Variants in DAAM1 observed in about 807,000 individuals in gnomAD.
DAAM1 encodes the protein dishevelled associated activator of morphogenesis 1.
Under a neutral mutation model 130.0 loss-of-function variants are expected in DAAM1, and 52 were observed. That is an observed-to-expected ratio of 0.40 (90% CI 0.32 to 0.50). The LOEUF (loss-of-function observed/expected upper bound fraction) is 0.50, where lower values mean the gene tolerates loss of function less well. Ranked by LOEUF, DAAM1 falls within the 20% of genes least tolerant of loss-of-function variation. The pLI, the probability that DAAM1 is intolerant of heterozygous loss-of-function variation, is 0.61. For synonymous variants in DAAM1, 452 were observed against 444.5 expected, an observed-to-expected ratio of 1.02 and a Z score of -0.21; for missense variants, 1,134 against 1,303.8, an observed-to-expected ratio of 0.87 and a Z score of 2.01.
intron 4 of DAAM1, among the ~76,000 whole-genome samples, chr14:59,319,518 C>G (rs1884921651): frequency 6.6e-6 from 1 of 152,078 alleles, no homozygotes; most frequent in Non-Finnish European, 1.5e-5. Flanking sequence ...TGTTTCTCAG[C>G]CAAGCATTTC....
At chr14:59,362,929 T>C (rs2139686830) in intron 22 of DAAM1, 1 of 152,294 alleles carries the variant, frequency 6.6e-6, no homozygotes, top group East Asian at 1.9e-4. Context: ...CCTTAATTTA[T>C]ATGTTTGTAT....
chr14:59,255,144 G>A (rs757718285), intron 1 of DAAM1, among the ~76,000 whole-genome samples: 7 of 152,116 alleles, frequency 4.6e-5, no homozygotes, highest in Non-Finnish European at 1.0e-4. Context: ...TTTTCCTCTT[G>A]CCTCAGAAAA....
At chr14:59,332,009 G>T in intron 15 of DAAM1, 89 bp downstream of exon 15, 1 of 1,119,800 alleles carries the variant, frequency 8.9e-7, no homozygotes, top group South Asian at 1.4e-5. Context: ...GCCGTGATGT[G>T]ACCGGCATAT....
chr14:59,370,144 C>CTTTTTTTTTT lies in DAAM1; in HGVS notation c.*1302_*1311dup, dbSNP rs398025271. On this transcript the variant is annotated 3_prime_UTR_variant, in exon 25 of 25. Coordinates refer to ENST00000360909, the MANE Select transcript of DAAM1 (RefSeq NM_001270520.2). ...TATAAAGAGGACTGTTACTTTTTTA[C>CTTTTTTTTTT]TTTTTTTTTTTTTTTTTTTTTTTTT... 2.1e-5 allele frequency: 2 copies of CTTTTTTTTTT among 95,398 alleles called. No homozygotes were observed. The highest frequency in any genetic ancestry group is 4.3e-5 in the Non-Finnish European group (2 of 46,364). The allele number at this position is 95,398 out of a possible 1,614,324, so 5.9% of individuals were successfully genotyped here. A position where few individuals can be genotyped will look rare whatever the true frequency, so the allele number is the denominator to read the frequency against.
intron 1 of DAAM1, among the ~76,000 whole-genome samples, chr14:59,227,601 A>C (rs1005635945): frequency 6.6e-6 from 1 of 152,216 alleles, no homozygotes; most frequent in Non-Finnish European, 1.5e-5. Flanking sequence ...GATTCTCCCC[A>C]TGTCTCATTA....
At chr14:59,209,232 G>A (rs948425537) in intron 1 of DAAM1, among the ~76,000 whole-genome samples, 1 of 138,014 alleles carries the variant, frequency 7.2e-6, no homozygotes, top group African/African-American at 2.7e-5. Flanking sequence ...GTGCTTGCTG[G>A]ATGGCACCTT....
At chr14:59,220,723 T>G (rs932175371) in intron 1 of DAAM1, among the ~76,000 whole-genome samples, 1 of 152,220 alleles carries the variant, frequency 6.6e-6, no homozygotes, top group Admixed American at 6.5e-5. Flanking sequence ...TGGGGATGAC[T>G]TACTGCTGGT....
At chr14:59,240,991 C>T (rs1390723207) in intron 1 of DAAM1, among the ~76,000 whole-genome samples, 1 of 152,216 alleles carries the variant, frequency 6.6e-6, no homozygotes, top group Non-Finnish European at 1.5e-5. Context: ...AAGACAGATA[C>T]AGCTGGCTGT....
chr14:59,284,523 G>A (rs944248625), intron 2 of DAAM1, among the ~76,000 whole-genome samples: 2 of 152,108 alleles, frequency 1.3e-5, no homozygotes, highest in Admixed American at 6.6e-5. Context: ...TGATGGCAAG[G>A]AAGCTCATTT....
intron 3 of DAAM1, among the ~76,000 whole-genome samples, chr14:59,314,323 G>A: frequency 6.6e-6 from 1 of 152,196 alleles, no homozygotes; most frequent in Admixed American, 6.5e-5. Flanking sequence ...CTTTGAATGT[G>A]AAGCTAAAGA....
intron 20 of DAAM1, among the ~76,000 whole-genome samples, chr14:59,355,768 G>T (rs945865653): frequency 6.6e-6 from 1 of 152,026 alleles, no homozygotes; most frequent in Non-Finnish European, 1.5e-5. Context: ...ACCAGCACTC[G>T]ACATCTCCCC....
chr14:59,259,322 C>T (rs1439798173), intron 1 of DAAM1, among the ~76,000 whole-genome samples: 2 of 152,116 alleles, frequency 1.3e-5, no homozygotes, highest in Non-Finnish European at 2.9e-5. Context: ...GCTAAGAGAG[C>T]CCAGACCATA....
chr14:59,341,660 T>G (rs966349712), intron 16 of DAAM1, among the ~76,000 whole-genome samples: 6 of 152,348 alleles, frequency 3.9e-5, no homozygotes, highest in East Asian at 1.9e-4. Flanking sequence ...AGGCATCCAC[T>G]GGGGGTCATG....
chr14:59,324,575 C>A, intron 8 of DAAM1, 121 bp downstream of exon 8: 1 of 477,082 alleles, frequency 2.1e-6, no homozygotes, highest in Non-Finnish European at 3.4e-6. Context: ...GAGCTTGTAT[C>A]AGAATGTTAG....
intron 1 of DAAM1, among the ~76,000 whole-genome samples, chr14:59,250,268 T>C (rs1220144069): frequency 6.6e-6 from 1 of 152,234 alleles, no homozygotes; most frequent in Non-Finnish European, 1.5e-5. Context: ...CCCATTGTTA[T>C]CCCTGTAGCT....
In DAAM1 at chr14:59,263,585, T is replaced by C; in HGVS notation, c.108T>C (p.Phe36=). The C allele has an allele frequency of 6.2e-7, 1 of 1,614,170 alleles. No homozygotes were observed. The highest frequency in any genetic ancestry group is 8.5e-7 in the Non-Finnish European group (1 of 1,180,022). ...ITYRLRNDSN[F]ALQTMEPALP... ...ATCGGCTGCGAAATGATAGCAACTT[T>C]GCGCTTCAGACCATGGAACCAGCAT... Residue 36 remains phenylalanine, a synonymous_variant, in exon 2 of 25, where the codon TTT becomes TTC. Transcript: ENST00000360909.
intron 1 of DAAM1, among the ~76,000 whole-genome samples, chr14:59,249,132 T>C (rs180851404): frequency 6.6e-6 from 1 of 152,332 alleles, no homozygotes; most frequent in East Asian, 1.9e-4. Flanking sequence ...TTTGTGTGGC[T>C]TCCTCTTACC....
chr14:59,275,452 C>T (rs1278109602), intron 2 of DAAM1, among the ~76,000 whole-genome samples: 3 of 151,998 alleles, frequency 2.0e-5, no homozygotes, highest in Non-Finnish European at 4.4e-5. Context: ...AAAAATTTAT[C>T]TAGTAAGACT....
At chr14:59,217,853 G>C (rs1017207683) in intron 1 of DAAM1, among the ~76,000 whole-genome samples, 4 of 152,064 alleles carry the variant, frequency 2.6e-5, no homozygotes, top group African/African-American at 9.7e-5. Flanking sequence ...CGGGCGTGGT[G>C]GTGGGCACCT....
Sources: gnomAD v4.1 joint callset for allele counts (sites outside exome capture counted in the v4.1 genomes callset) on GRCh38, gnomAD v4.1.1 for gene constraint, MANE v1.5 for transcripts, NCBI Gene and HGNC (gene_info 2026-07-23, HGNC 2026-07-21) for gene names.